CYB5R2: variants seen among roughly 807,000 people sequenced by gnomAD.
CYB5R2 encodes the protein cytochrome b5 reductase 2.
Under a neutral mutation model 29.8 loss-of-function variants are expected in CYB5R2, and 35 were observed. That is an observed-to-expected ratio of 1.17 (90% CI 0.90 to 1.56). The LOEUF is 1.56. Ranked by LOEUF, CYB5R2 falls within the 40% of genes most tolerant of loss-of-function variation. CYB5R2 has a pLI of 0.00. For missense variants in CYB5R2, 419 were observed against 346.7 expected (o/e 1.21, Z -1.66); for synonymous variants, 169 against 130.6 (o/e 1.29, Z -2.01).
upstream of CYB5R2, chr11:7,673,840 A>G: frequency 1.0e-6 from 1 of 987,086 alleles, no homozygotes; most frequent in South Asian, 4.7e-5. Flanking sequence ...ACCGGCCGAG[A>G]CCCGGACACG....
At chr11:7,667,699 C>G (rs1200267938) in intron 7 of CYB5R2, 29 bp downstream of exon 7, 1 of 1,574,088 alleles carries the variant, frequency 6.4e-7, no homozygotes, top group Admixed American at 1.7e-5. Context: ...ACATTCCATC[C>G]TACCACTGCA....
At chr11:7,665,749 A>T in intron 8 of CYB5R2, 1 of 1,309,390 alleles carries the variant, frequency 7.6e-7, no homozygotes, top group South Asian at 1.4e-5. Context: ...TCCCAGGCTC[A>T]CTGCAGGGAC....
chr11:7,673,585 G>C (rs1037954678), upstream of CYB5R2: 1 of 985,342 alleles, frequency 1.0e-6, no homozygotes, highest in Non-Finnish European at 1.2e-6. Flanking sequence ...TCCCGCTCCG[G>C]CCCCCAACCT....
intron 8 of CYB5R2, 71 bp downstream of exon 8, chr11:7,666,380 C>CAGAG (rs1272740339): frequency 5.1e-6 from 5 of 976,422 alleles, no homozygotes; most frequent in Admixed American, 1.8e-5. Context: ...AACAAAGAGA[C>CAGAG]AGAGACCAGT....
rs1414623352 is a variant in CYB5R2, at chr11:7,665,394, C to T, written c.811G>A (p.Asp271Asn). 13 of 1,587,858 alleles carry T rather than the reference C, an allele frequency of 8.2e-6. No individual in the cohort carries two copies. The highest frequency in any genetic ancestry group is 1.0e-5 in the Non-Finnish European group (12 of 1,169,072). The change falls in exon 9 of 9, where the codon GAC (aspartate) becomes AAC (asparagine). Residue 271 changes from aspartate (D) to asparagine (N), a missense_variant. Asp to Asn is a conservative substitution (Grantham distance 23). Coordinates refer to ENST00000299498, the MANE Select transcript of CYB5R2 (RefSeq NM_016229.5). Reference protein sequence around the residue: ...PNLEKLGYTQDMIFTY With the variant: ...PNLEKLGYTQNMIFTY ...AGGTGTTAGTAGGTGAAAATCATGT[C>T]CTGGGTATAACCCAGCTTCTCCAGG...
At position 7,665,950 on chromosome 11, in the gene CYB5R2, A is replaced by G. The variant is rs144589101; in HGVS notation, c.659-404T>C. Reference sequence around the variant, plus strand: ...CTGCCGACCAGGGACCTGTATGACAAGCAGGTACAGCCGGGAGCAGTGTGA... The same window carrying G: ...CTGCCGACCAGGGACCTGTATGACAGGCAGGTACAGCCGGGAGCAGTGTGA... On this transcript the variant is annotated intron_variant, in intron 8 of 8. Transcript: ENST00000299498. 3.5e-3 allele frequency: 5,387 copies of G among 1,528,684 alleles called. 12 individuals are homozygous for G. The highest frequency in any genetic ancestry group is 4.3e-3 in the Non-Finnish European group (4,959 of 1,140,082). 94.7% of individuals were successfully genotyped at this position (1,528,684 alleles called of 1,614,324 possible).
intron 7 of CYB5R2, chr11:7,667,333 G>GA (rs200214286): frequency 0.77 from 111,699 of 145,826 alleles, 42,551 homozygotes; most frequent in African/African-American, 0.79. Context: ...AATGCTGAGT[G>GA]AAAAAAAAAA....
chr11:7,671,151 C>G (rs1411590340), intron 3 of CYB5R2: 1 of 152,252 alleles, frequency 6.6e-6, no homozygotes, highest in African/African-American at 2.4e-5. Flanking sequence ...CTCTGGGCAC[C>G]AGGGATAGCC....
chr11:7,669,642 C>G lies in CYB5R2; in HGVS notation c.241G>C (p.Val81Leu). The G allele has an allele frequency of 6.2e-7, 1 of 1,603,850 alleles. No individual in the cohort carries two copies. Among genetic ancestry groups the G allele is most frequent in the Non-Finnish European group, 8.5e-7 (1 of 1,176,190 alleles). The stretch of plus-strand genomic sequence containing the variant: ...CTATTTACCTTTATAATTAGGTCCA[C>G]AAAGCCTCTGTCATCATCACTGGAG... The part of the protein sequence containing the change: ...PVSSDDDRGF[V>L]DLIIKIYFKN... The change falls in exon 4 of 9, where the codon GTG becomes CTG. Residue 81 changes from valine (V) to leucine (L), a missense_variant. Coordinates refer to ENST00000299498, the MANE Select transcript of CYB5R2 (RefSeq NM_016229.5).
rs1395222144 is a variant in CYB5R2 at position 7,665,407 on chromosome 11, C to T, written c.798G>A (p.Leu266=). The change falls in exon 9 of 9, where the codon CTG becomes CTA. Residue 266 remains leucine (L), a synonymous_variant. Coordinates refer to ENST00000299498, the MANE Select transcript of CYB5R2 (RefSeq NM_016229.5). ...QTAAHPNLEK[L]GYTQDMIFTY ...TGAAAATCATGTCCTGGGTATAACCCAGCTTCTCCAGGTTAGGGTGAGCCG... is the reference window on the plus strand; with the variant it reads ...TGAAAATCATGTCCTGGGTATAACCTAGCTTCTCCAGGTTAGGGTGAGCCG... 6.2e-7 allele frequency: 1 copy of T among 1,603,328 alleles called. No homozygotes were observed. Among genetic ancestry groups the T allele is most frequent in the South Asian group, 1.1e-5 (1 of 88,846 alleles).
chr11:7,667,890 T>A, intron 6 of CYB5R2, 77 bp from the exon 7 acceptor site: 1 of 1,160,382 alleles, frequency 8.6e-7, no homozygotes, highest in Non-Finnish European at 1.3e-6. Flanking sequence ...GCAAGCTTCA[T>A]ACCTTCCCCC....
chr11:7,673,607 G>A (rs890505446), upstream of CYB5R2: 8 of 985,246 alleles, frequency 8.1e-6, no homozygotes, highest in East Asian at 9.1e-4. Context: ...CCGGTCGGAC[G>A]TTCGTTCCCG....
chr11:7,667,549 C>G lies in CYB5R2; in HGVS notation c.558+179G>C, dbSNP rs7358409. ...GAGACACAAAAGAGTTAAATACATG[C>G]AAAAAGCAGGCCTGGACTCAGCTTC... On this transcript the variant is annotated intron_variant, in intron 7 of 8. Coordinates refer to ENST00000299498, the MANE Select transcript of CYB5R2 (RefSeq NM_016229.5). 2.0e-4 allele frequency: 124 copies of G among 607,078 alleles called. 1 individual carries two copies. Among genetic ancestry groups the G allele is most frequent in the Non-Finnish European group, 3.3e-4 (113 of 339,726 alleles). The allele number at this position is 607,078 out of a possible 1,614,324, so 37.6% of individuals were successfully genotyped here. A position where few individuals can be genotyped will look rare whatever the true frequency, so the allele number is the denominator to read the frequency against.
intron 3 of CYB5R2, 88 bp from the exon 4 acceptor site, chr11:7,669,819 C>A: frequency 5.4e-6 from 5 of 927,330 alleles, no homozygotes; most frequent in Non-Finnish European, 7.0e-6. Flanking sequence ...GTGAAGGGAG[C>A]AAATACTGGG....
At chr11:7,672,093 G>GGC (rs1855778331) in intron 3 of CYB5R2, 2 of 231,290 alleles carry the variant, frequency 8.6e-6, no homozygotes, top group East Asian at 1.7e-4. Flanking sequence ...AAGTGAGGTA[G>GGC]ACAGGCAGGC....
intron 8 of CYB5R2, chr11:7,665,937 G>T (rs975427859): frequency 2.6e-6 from 4 of 1,535,346 alleles, no homozygotes; most frequent in East Asian, 2.4e-5. Flanking sequence ...GCCGACCAGG[G>T]ACCTGTATGA....
upstream of CYB5R2, chr11:7,674,142 T>C (rs1198545801): frequency 4.1e-5 from 50 of 1,221,610 alleles, no homozygotes; most frequent in Non-Finnish European, 4.9e-5. Flanking sequence ...GAAGGCCGTC[T>C]GGGTGACCGG....
chr11:7,671,886 C>T (rs1314556819), intron 3 of CYB5R2: 1 of 152,722 alleles, frequency 6.5e-6, no homozygotes, highest in Non-Finnish European at 1.5e-5. Context: ...AGGGCTGGTC[C>T]CTCCTTATGT....
intron 5 of CYB5R2, chr11:7,668,802 AAG>A (rs1416919172): frequency 8.4e-6 from 5 of 596,046 alleles, no homozygotes; most frequent in South Asian, 4.0e-5. Context: ...TCTGAGGAAA[AAG>A]AGGGGCAAGC....
Sources: allele counts gnomAD v4.1 joint callset, GRCh38; gene constraint gnomAD v4.1.1; transcripts MANE v1.5; gene names NCBI Gene and HGNC (gene_info 2026-07-23, HGNC 2026-07-21).